MACROD2: variants seen among roughly 807,000 people sequenced by gnomAD.
MACROD2 encodes ADP-ribose glycohydrolase MACROD2.
In MACROD2, 36 loss-of-function variants were observed where a neutral mutation model predicts 70.4. That is an observed-to-expected ratio of 0.51 (90% CI 0.39 to 0.68). MACROD2 has a LOEUF of 0.68. MACROD2 is among the 30% of genes least tolerant of loss of function. The pLI is 0.00. For synonymous variants in MACROD2, 172 were observed against 178.8 expected, an observed-to-expected ratio of 0.96 and a Z score of 0.30; for missense variants, 496 against 538.4, an observed-to-expected ratio of 0.92 and a Z score of 0.78.
intron 8 of MACROD2, among the ~76,000 whole-genome samples, chr20:15,551,739 G>A (rs948575460): frequency 1.3e-4 from 20 of 151,936 alleles, no homozygotes; most frequent in African/African-American, 4.6e-4. Flanking sequence ...GTGATGGTGT[G>A]GGCCTGTGGT....
chr20:14,307,004 T>C (rs1212660511), intron 3 of MACROD2, among the ~76,000 whole-genome samples: 1 of 112,180 alleles, frequency 8.9e-6, no homozygotes, highest in Non-Finnish European at 1.8e-5. Flanking sequence ...AACCGTGGAC[T>C]AAATGTAAAC....
intron 7 of MACROD2, among the ~76,000 whole-genome samples, chr20:15,499,416 T>C (rs1948125939): frequency 6.6e-6 from 1 of 152,192 alleles, no homozygotes; most frequent in South Asian, 2.1e-4. Flanking sequence ...TTTTTTAAGC[T>C]GAGGATAATA....
intron 3 of MACROD2, among the ~76,000 whole-genome samples, chr20:14,114,920 A>C (rs572127518): frequency 2.2e-4 from 34 of 152,294 alleles, no homozygotes; most frequent in African/African-American, 7.9e-4. Context: ...TCATCCTGGC[A>C]TCCTTCTCAA....
intron 7 of MACROD2, among the ~76,000 whole-genome samples, chr20:15,465,931 G>A (rs1359442205): frequency 6.6e-6 from 1 of 152,158 alleles, no homozygotes; most frequent in Non-Finnish European, 1.5e-5. Context: ...CCTCAGCTCC[G>A]TGGACACAGT....
chr20:15,116,543 G>A (rs1288912120), intron 5 of MACROD2, among the ~76,000 whole-genome samples: 1 of 152,128 alleles, frequency 6.6e-6, no homozygotes, highest in African/African-American at 2.4e-5. Context: ...TACTTGGGAG[G>A]CTGAGACAGG....
chr20:14,695,911 C>T (rs763255625), intron 5 of MACROD2, among the ~76,000 whole-genome samples: 7 of 152,106 alleles, frequency 4.6e-5, no homozygotes, highest in Admixed American at 2.0e-4. Context: ...TAATTTGTTA[C>T]GTAGCAATAG....
intron 6 of MACROD2, among the ~76,000 whole-genome samples, chr20:15,425,609 G>A (rs1416185303): frequency 6.6e-6 from 1 of 152,168 alleles, no homozygotes; most frequent in Admixed American, 6.5e-5. Flanking sequence ...GAGGTTAAGA[G>A]CACTTTACAG....
At chr20:14,871,754 G>C (rs563864323) in intron 5 of MACROD2, among the ~76,000 whole-genome samples, 2 of 152,128 alleles carry the variant, frequency 1.3e-5, no homozygotes, top group African/African-American at 4.8e-5. Context: ...GAAGATCATA[G>C]ATATGCTATC....
intron 5 of MACROD2, among the ~76,000 whole-genome samples, chr20:15,212,117 C>T (rs544309299): frequency 1.3e-5 from 2 of 152,260 alleles, no homozygotes; most frequent in South Asian, 4.2e-4. Context: ...GGATATTGAG[C>T]ACTATTTCAT....
chr20:14,344,046 C>T (rs1190763790), intron 3 of MACROD2, among the ~76,000 whole-genome samples: 1 of 151,990 alleles, frequency 6.6e-6, no homozygotes, highest in Non-Finnish European at 1.5e-5. Context: ...CTGTAGTTCT[C>T]CTTGTATTGG....
At chr20:15,174,267 A>C (rs1220521196) in intron 5 of MACROD2, among the ~76,000 whole-genome samples, 1 of 152,172 alleles carries the variant, frequency 6.6e-6, no homozygotes, top group Non-Finnish European at 1.5e-5. Context: ...TTTGTAACAA[A>C]ATGTTACTTG....
intron 6 of MACROD2, among the ~76,000 whole-genome samples, chr20:15,353,457 T>C (rs2078250681): frequency 6.6e-6 from 1 of 151,982 alleles, no homozygotes; most frequent in Admixed American, 6.6e-5. Context: ...GGACTTCTTG[T>C]CTAAAACACC....
At chr20:14,407,635 G>A (rs187855032) in intron 3 of MACROD2, among the ~76,000 whole-genome samples, 3 of 152,168 alleles carry the variant, frequency 2.0e-5, no homozygotes, top group Non-Finnish European at 2.9e-5. Context: ...AATATGTAAT[G>A]CTTTAGAAAT....
intron 6 of MACROD2, among the ~76,000 whole-genome samples, chr20:15,250,146 A>G (rs1049962067): frequency 6.6e-6 from 1 of 152,176 alleles, no homozygotes; most frequent in Non-Finnish European, 1.5e-5. Flanking sequence ...AGCACAGACT[A>G]TTCCATCTGT....
intron 4 of MACROD2, among the ~76,000 whole-genome samples, chr20:14,494,446 AT>A (rs1362325638): frequency 1.3e-5 from 2 of 152,132 alleles, no homozygotes; most frequent in Non-Finnish European, 2.9e-5. Context: ...AATCTTGAAA[AT>A]AAGAAAAATA....
intron 5 of MACROD2, among the ~76,000 whole-genome samples, chr20:14,833,697 T>TA (rs2072996992): frequency 6.6e-6 from 1 of 152,104 alleles, no homozygotes; most frequent in African/African-American, 2.4e-5. Flanking sequence ...ACCTCATTAG[T>TA]ATGTAGTATT....
intron 6 of MACROD2, among the ~76,000 whole-genome samples, chr20:15,313,996 T>G (rs1216992021): frequency 6.6e-6 from 1 of 152,130 alleles, no homozygotes; most frequent in East Asian, 1.9e-4. Flanking sequence ...ATTAGTTAAG[T>G]TGGTAATAAT....
intron 4 of MACROD2, among the ~76,000 whole-genome samples, chr20:14,618,648 G>A (rs1269357836): frequency 6.6e-6 from 1 of 152,130 alleles, no homozygotes; most frequent in East Asian, 1.9e-4. Context: ...GAATCATGGG[G>A]TTTCAGCGTG....
chr20:15,172,338 A>C (rs931575998), intron 5 of MACROD2, among the ~76,000 whole-genome samples: 29 of 152,128 alleles, frequency 1.9e-4, no homozygotes, highest in Non-Finnish European at 3.4e-4. Flanking sequence ...TGGGGAAGGA[A>C]TATTGAGATC....
Sources: allele counts gnomAD v4.1 joint callset (sites outside exome capture counted in the v4.1 genomes callset), GRCh38; gene constraint gnomAD v4.1.1; transcripts MANE v1.5; gene names NCBI Gene and HGNC (gene_info 2026-07-23, HGNC 2026-07-21).